AFAP1: variants seen among roughly 807,000 people sequenced by gnomAD.
AFAP1 encodes actin filament-associated protein 1.
A neutral mutation model predicts 93.9 loss-of-function variants in AFAP1; 75 were observed. That is an observed-to-expected ratio of 0.80 (90% confidence interval 0.66 to 0.97). The LOEUF (loss-of-function observed/expected upper bound fraction) is 0.97. Among genes scored for constraint, AFAP1 ranks in the 50% least tolerant of loss-of-function variants. The probability of loss-of-function intolerance (pLI) is 0.00; values close to 1 mark genes in which losing one functional copy is unlikely to be tolerated. For synonymous variants in AFAP1, 517 were observed against 430.7 expected (o/e 1.20, Z -2.48); for missense variants, 1,201 against 1,050.8 (o/e 1.14, Z -1.98).
intron 4 of AFAP1, among the ~76,000 whole-genome samples, chr4:7,853,950 C>G (rs916600527): frequency 1.1e-4 from 16 of 152,188 alleles, no homozygotes; most frequent in African/African-American, 3.9e-4. Context: ...AACAGCCCCA[C>G]TGAAGGGGCC....
intron 6 of AFAP1, among the ~76,000 whole-genome samples, chr4:7,830,654 G>A (rs1369126215): frequency 6.6e-6 from 1 of 152,056 alleles, no homozygotes. Context: ...TGTCACCCAG[G>A]CTGGAGTGCA....
rs1715902721 is a variant in AFAP1, at chr4:7,774,655, A to T, written c.2062+84T>A. On this transcript the variant is annotated intron_variant, in intron 15 of 17. Coordinates refer to ENST00000420658, the MANE Select transcript of AFAP1 (RefSeq NM_001134647.2). ...AATAAAATGACAGCCTTGGTGAGCA[A>T]TAGGTCCTTTGGGCAAAGCAGAATG... The T allele has an allele frequency of 4.6e-6, 7 of 1,528,228 alleles. No homozygotes were observed. The Admixed American group carries it at 1.2e-4, about 27-fold the overall frequency. 94.7% of individuals were successfully genotyped at this position (1,528,228 alleles called of 1,614,324 possible). A position where few individuals can be genotyped will look rare whatever the true frequency, so the allele number is the denominator to read the frequency against.
chr4:7,887,313 T>C (rs556163163), intron 1 of AFAP1, among the ~76,000 whole-genome samples: 1 of 152,160 alleles, frequency 6.6e-6, no homozygotes, highest in Non-Finnish European at 1.5e-5. Flanking sequence ...TATCTAAGTG[T>C]GGGGTACCCA....
chr4:7,842,903 C>T (rs972350516), intron 5 of AFAP1: 4 of 517,314 alleles, frequency 7.7e-6, no homozygotes, highest in Admixed American at 3.5e-5. Context: ...TGATTTTGTT[C>T]GCTGGCTGCT....
chr4:7,811,184 C>T (rs1022610254), intron 8 of AFAP1, among the ~76,000 whole-genome samples: 1 of 152,218 alleles, frequency 6.6e-6, no homozygotes, highest in Non-Finnish European at 1.5e-5. Context: ...CAGAGAGATT[C>T]TCAGTGTCGT....
rs766155041 is a variant in AFAP1 at position 7,774,825 on chromosome 4, A to C, written c.1976T>G (p.Leu659Arg). 1 of 1,614,020 alleles carries C rather than the reference A, an allele frequency of 6.2e-7. No individual in the cohort carries two copies. Among genetic ancestry groups the C allele is most frequent in the African/African-American group, 1.3e-5 (1 of 74,898 alleles). ...KRLQTKEEEL[L>R]KRKEALRNRL... ...ATTCCGCAGGGCCTCTTTCCTCTTC[A>C]GCAGCTCCTCCTCTTTGGTCTGTAG... Residue 659 changes from leucine (L) to arginine (R), a missense_variant, in exon 15 of 18, where the codon CTG becomes CGG. Physicochemically the swap from Leu to Arg is moderately radical, Grantham distance 102. Transcript: ENST00000420658.
chr4:7,844,911 G>A lies in AFAP1; in HGVS notation c.335-1561C>T, dbSNP rs372257197. 7.2e-5 allele frequency among the ~76,000 whole-genome samples: 11 copies of A among 152,316 alleles called. No individual in the cohort carries two copies. In the East Asian group the frequency reaches 2.1e-3, roughly 29 times the overall value. On this transcript the variant is annotated intron_variant, in intron 4 of 17. Coordinates refer to ENST00000420658, the MANE Select transcript of AFAP1 (RefSeq NM_001134647.2). ...AGGGATGAACACCTAAATGATAGAT[G>A]AATGAGAGATAAGGAGAACAATGGC...
rs915303212 is a variant in AFAP1 at position 7,771,351 on chromosome 4, TAC to T, written c.2253+1467_2253+1468del. Among the ~76,000 whole-genome samples the T allele has an allele frequency of 9.7e-4, 148 of 151,892 alleles. 1 individual carries two copies. Among genetic ancestry groups the T allele is most frequent in the African/African-American group, 3.2e-3 (131 of 41,494 alleles). On this transcript the variant is annotated intron_variant, in intron 16 of 17. Coordinates refer to ENST00000420658, the MANE Select transcript of AFAP1 (RefSeq NM_001134647.2). ...CACAGCATATGCATATGTGTGTATG[TAC>T]ACACACACACACCTTTACATATTAA...
chr4:7,821,395 G>C (rs1423300401), intron 6 of AFAP1, among the ~76,000 whole-genome samples: 1 of 152,144 alleles, frequency 6.6e-6, no homozygotes, highest in African/African-American at 2.4e-5. Context: ...TTCTGGACTA[G>C]ACTTCCAGAT....
chr4:7,806,310 C>A (rs952366648), intron 9 of AFAP1, among the ~76,000 whole-genome samples: 6 of 152,206 alleles, frequency 3.9e-5, no homozygotes, highest in Non-Finnish European at 5.9e-5. Flanking sequence ...GGCCCAAACC[C>A]CCCTAAACCT....
intron 13 of AFAP1, among the ~76,000 whole-genome samples, 160 bp downstream of exon 13, chr4:7,781,216 G>C (rs975219022): frequency 1.3e-5 from 2 of 152,068 alleles, no homozygotes; most frequent in Admixed American, 1.3e-4. Flanking sequence ...TATCTCATCA[G>C]TTCCTTGGTA....
intron 12 of AFAP1, among the ~76,000 whole-genome samples, chr4:7,784,335 A>G (rs899889458): frequency 2.0e-5 from 3 of 152,078 alleles, no homozygotes; most frequent in Non-Finnish European, 4.4e-5. Flanking sequence ...TGGGACCTAC[A>G]AGCGGGCCCT....
chr4:7,774,558 G>T, intron 15 of AFAP1, 181 bp downstream of exon 15: 1 of 942,284 alleles, frequency 1.1e-6, no homozygotes. Context: ...TGACCACACA[G>T]GCACCTGCCT....
intron 4 of AFAP1, among the ~76,000 whole-genome samples, chr4:7,844,282 AAGAGAGAG>A (rs146569362): frequency 6.7e-6 from 1 of 148,942 alleles, no homozygotes; most frequent in South Asian, 2.1e-4. Flanking sequence ...GTCTTTTAAG[AAGAGAGAG>A]AGAGAGAGAG....
chr4:7,894,520 G>A (rs1472708565), intron 1 of AFAP1, among the ~76,000 whole-genome samples: 7 of 152,272 alleles, frequency 4.6e-5, no homozygotes, highest in Non-Finnish European at 7.4e-5. Flanking sequence ...CGGCAACCCC[G>A]GGACTCTGTT....
chr4:7,872,755 C>T (rs1019070467), intron 1 of AFAP1, among the ~76,000 whole-genome samples: 1 of 152,078 alleles, frequency 6.6e-6, no homozygotes, highest in African/African-American at 2.4e-5. Context: ...GCCCACAAGG[C>T]CCGAGGCCCA....
At chr4:7,927,355 T>C (rs1720821517) in intron 1 of AFAP1, among the ~76,000 whole-genome samples, 1 of 152,122 alleles carries the variant, frequency 6.6e-6, no homozygotes, top group Non-Finnish European at 1.5e-5. Flanking sequence ...TGTGTGATGT[T>C]GGACAACGTC....
At chr4:7,936,125 T>C (rs554562289) in intron 1 of AFAP1, among the ~76,000 whole-genome samples, 1 of 152,016 alleles carries the variant, frequency 6.6e-6, no homozygotes, top group Non-Finnish European at 1.5e-5. Flanking sequence ...GAAGCAAAAA[T>C]TGTAATTCAG....
At chr4:7,824,244 CA>C (rs1274944553) in intron 6 of AFAP1, among the ~76,000 whole-genome samples, 2 of 152,184 alleles carry the variant, frequency 1.3e-5, no homozygotes, top group African/African-American at 2.4e-5. Flanking sequence ...GCAAATCCTC[CA>C]AAAAAACAAA....
Sources: gnomAD v4.1 joint callset for allele counts (sites outside exome capture counted in the v4.1 genomes callset) on GRCh38, gnomAD v4.1.1 for gene constraint, MANE v1.5 for transcripts, NCBI Gene and HGNC (gene_info 2026-07-23, HGNC 2026-07-21) for gene names.